Variants in TASP1 observed in about 807,000 individuals in gnomAD.
TASP1 encodes the protein taspase 1.
A neutral mutation model predicts 56.6 loss-of-function variants in TASP1; 16 were observed. That is an observed-to-expected ratio of 0.28 (90% CI 0.19 to 0.43). The LOEUF (loss-of-function observed/expected upper bound fraction) is 0.43. TASP1 is among the 20% of genes least tolerant of loss of function. The pLI, the probability that TASP1 is intolerant of heterozygous loss-of-function variation, is 1.00. For missense variants in TASP1, 393 were observed against 511.6 expected (o/e 0.77, Z 2.24); for synonymous variants, 179 against 184.2 (o/e 0.97, Z 0.23).
the TASP1 span, among the ~76,000 whole-genome samples, chr20:13,330,186 C>T: frequency 6.6e-6 from 1 of 152,010 alleles, no homozygotes; most frequent in African/African-American, 2.4e-5. Context: ...AACTCCTGAC[C>T]TCAAGTGATC....
chr20:13,292,973 G>C, the TASP1 span, among the ~76,000 whole-genome samples: 1 of 152,036 alleles, frequency 6.6e-6, no homozygotes, highest in African/African-American at 2.4e-5. Flanking sequence ...GAGGCGGGCA[G>C]ATCACGAGGT....
At position 13,623,489 on chromosome 20, in the gene TASP1, G is replaced by A. The variant is rs776252629; in HGVS notation, c.239C>T (p.Ala80Val). 24 of 1,606,396 alleles carry A rather than the reference G, an allele frequency of 1.5e-5. No individual in the cohort carries two copies. In the Admixed American group the frequency reaches 2.8e-4, roughly 19 times the overall value. ...TGCAGTGACTGCGTCAGTTGCAAGA[G>A]CACCGGCCTGCAGCTTTTCAATTGC... ...QKAIEKLQAG[A>V]LATDAVTAAL... The change falls in exon 4 of 14, where the codon GCT (alanine) becomes GTT (valine). Residue 80 changes from alanine (A) to valine (V), a missense_variant. Around this residue, in one of 3 missense-constraint regions of TASP1, gnomAD observed 48 missense variants for 106.2 expected, o/e 0.45. Transcript: ENST00000337743.
At chr20:13,552,928 T>G (rs1474207993) in intron 8 of TASP1, among the ~76,000 whole-genome samples, 1 of 152,190 alleles carries the variant, frequency 6.6e-6, no homozygotes, top group Non-Finnish European at 1.5e-5. Flanking sequence ...GTTTTTCTTC[T>G]TTCCTCTTTT....
chr20:13,565,303 T>C (rs752860658), intron 7 of TASP1, among the ~76,000 whole-genome samples: 1 of 151,150 alleles, frequency 6.6e-6, no homozygotes, highest in Non-Finnish European at 1.5e-5. Context: ...GAAAACAACA[T>C]AGGGGAAAGG....
chr20:13,298,564 A>AT, the TASP1 span, among the ~76,000 whole-genome samples: 4 of 152,222 alleles, frequency 2.6e-5, no homozygotes, highest in African/African-American at 7.2e-5. Flanking sequence ...TTTCCACAAC[A>AT]TTTTTTAAAA....
chr20:13,417,380 C>A, intron 13 of TASP1, 68 bp downstream of exon 13: 1 of 1,559,094 alleles, frequency 6.4e-7, no homozygotes, highest in Non-Finnish European at 8.8e-7. Flanking sequence ...TCCACATCAA[C>A]TTAGCTGGTT....
the TASP1 span, among the ~76,000 whole-genome samples, chr20:13,214,562 C>CACACACAGAG: frequency 1.6e-4 from 18 of 111,300 alleles, no homozygotes; most frequent in African/African-American, 5.9e-4. Context: ...CACACACACA[C>CACACACAGAG]AGAGAGAGAG....
the TASP1 span, among the ~76,000 whole-genome samples, chr20:13,384,346 T>C: frequency 6.6e-6 from 1 of 152,188 alleles, no homozygotes; most frequent in Admixed American, 6.5e-5. Flanking sequence ...TGGACTCACT[T>C]TCTCTCCCAG....
chr20:13,122,295 T>C, the TASP1 span, among the ~76,000 whole-genome samples: 1 of 152,224 alleles, frequency 6.6e-6, no homozygotes, highest in African/African-American at 2.4e-5. Context: ...TGGAGACCAA[T>C]GTGACTCAAT....
At chr20:13,208,422 T>A in the TASP1 span, among the ~76,000 whole-genome samples, 1 of 152,240 alleles carries the variant, frequency 6.6e-6, no homozygotes, top group Non-Finnish European at 1.5e-5. Flanking sequence ...GATGTTGCCT[T>A]CCTCACCACA....
chr20:13,199,990 A>T, the TASP1 span, among the ~76,000 whole-genome samples: 4 of 152,236 alleles, frequency 2.6e-5, no homozygotes, highest in South Asian at 8.3e-4. Context: ...TTTCAGATGA[A>T]AGTTTCTCTG....
chr20:13,258,851 C>T, the TASP1 span, among the ~76,000 whole-genome samples: 2 of 152,158 alleles, frequency 1.3e-5, no homozygotes, highest in African/African-American at 4.8e-5. Context: ...AAGTCCTGCT[C>T]ACAAGCCGTG....
At chr20:13,504,284 G>A (rs948326691) in intron 10 of TASP1, among the ~76,000 whole-genome samples, 6 of 151,904 alleles carry the variant, frequency 3.9e-5, no homozygotes, top group African/African-American at 7.2e-5. Context: ...CCAGGAGAGA[G>A]TAGGATAATG....
intron 9 of TASP1, among the ~76,000 whole-genome samples, chr20:13,531,782 T>TC (rs781086838): frequency 3.3e-5 from 5 of 151,968 alleles, no homozygotes; most frequent in Admixed American, 6.6e-5. Context: ...TCTTGCCTTA[T>TC]CCCCCCCAAC....
At chr20:13,556,243 T>C (rs2046152700) in intron 8 of TASP1, among the ~76,000 whole-genome samples, 1 of 152,180 alleles carries the variant, frequency 6.6e-6, no homozygotes, top group Non-Finnish European at 1.5e-5. Context: ...GGCATCAATA[T>C]TGTCTTTCCA....
the TASP1 span, among the ~76,000 whole-genome samples, chr20:13,125,429 C>T: frequency 2.6e-5 from 4 of 152,228 alleles, no homozygotes; most frequent in African/African-American, 9.6e-5. Flanking sequence ...TCTACTCAAA[C>T]TGTCCTTTGC....
intron 4 of TASP1, among the ~76,000 whole-genome samples, chr20:13,611,386 G>T (rs1600161542): frequency 6.6e-6 from 1 of 152,204 alleles, no homozygotes; most frequent in East Asian, 1.9e-4. Context: ...TTAGCTTCAG[G>T]TCAAAAATTT....
At chr20:13,171,775 C>T in the TASP1 span, among the ~76,000 whole-genome samples, 1 of 151,942 alleles carries the variant, frequency 6.6e-6, no homozygotes, top group Admixed American at 6.6e-5. Flanking sequence ...CCAGCAATAC[C>T]AAAGTGGGTA....
intron 4 of TASP1, among the ~76,000 whole-genome samples, chr20:13,608,311 T>C (rs1182248459): frequency 6.6e-6 from 1 of 152,238 alleles, no homozygotes; most frequent in African/African-American, 2.4e-5. Flanking sequence ...TTTTTTTGTT[T>C]AGTTGCCAAT....
Sources: allele counts gnomAD v4.1 joint callset (sites outside exome capture counted in the v4.1 genomes callset), GRCh38; gene constraint gnomAD v4.1.1; regional missense constraint gnomAD v4.1.1; transcripts MANE v1.5; gene names NCBI Gene and HGNC (gene_info 2026-07-23, HGNC 2026-07-21).